The following CHMP7 variants were observed in gnomAD, a reference collection of about 807,000 sequenced individuals.
The protein encoded by CHMP7 is CHMP family, member 7.
Under a neutral mutation model 53.7 loss-of-function variants are expected in CHMP7, and 15 were observed. The ratio of observed to expected loss-of-function variants is 0.28; its 90% CI spans 0.19 to 0.43. The LOEUF is 0.43. Ranked by LOEUF, CHMP7 falls within the 20% of genes least tolerant of loss-of-function variation. The pLI is 1.00. For missense variants in CHMP7, 527 were observed against 569.4 expected, an observed-to-expected ratio of 0.93 and a Z score of 0.76; for synonymous variants, 261 against 228.0, an observed-to-expected ratio of 1.14 and a Z score of -1.30.
intron 3 of CHMP7, 68 bp downstream of exon 3, chr8:23,249,449 G>A: frequency 1.5e-6 from 2 of 1,292,388 alleles, no homozygotes; most frequent in Middle Eastern, 2.8e-4. Context: ...CGTCCCTTGT[G>A]TGCGTTCTTG....
chr8:23,260,591 C>G lies in CHMP7; in HGVS notation c.1354C>G (p.Pro452Ala), dbSNP rs758013902. The change falls in exon 11 of 11, where the codon CCA becomes GCA. Residue 452 changes from proline to alanine, a missense_variant. Coordinates refer to ENST00000397677, the MANE Select transcript of CHMP7 (RefSeq NM_152272.5). Reference sequence around the variant, plus strand: ...AAGGCAATTGGAACCGACTCTAAAGCCATTGTAGGACCCTCAAGTGAAGGA... The same window carrying G: ...AAGGCAATTGGAACCGACTCTAAAGGCATTGTAGGACCCTCAAGTGAAGGA... ...PKRQLEPTLK[P>A]L 1.9e-6 allele frequency: 3 copies of G among 1,613,404 alleles called. No homozygotes were observed. Among genetic ancestry groups the G allele is most frequent in the Admixed American group, 3.3e-5 (2 of 60,002 alleles).
At chr8:23,258,175 G>C (rs569940134) in intron 6 of CHMP7, 94 bp downstream of exon 6, 30 of 1,433,800 alleles carry the variant, frequency 2.1e-5, no homozygotes, top group African/African-American at 1.8e-4. Context: ...GGGGTTTTGA[G>C]GGGGGTAGAG....
intron 3 of CHMP7, among the ~76,000 whole-genome samples, chr8:23,251,865 T>C (rs955816816): frequency 2.0e-5 from 3 of 152,238 alleles, no homozygotes; most frequent in African/African-American, 7.2e-5. Context: ...TGTGCAGAGA[T>C]CTATGTACTT....
intron 3 of CHMP7, 178 bp from the exon 4 acceptor site, chr8:23,255,069 C>T: frequency 1.5e-6 from 1 of 648,740 alleles, no homozygotes; most frequent in African/African-American, 1.8e-5. Flanking sequence ...AAACTTTCCT[C>T]CAAGGCTTAA....
chr8:23,260,604 C>G lies in CHMP7; in HGVS notation c.*5C>G, dbSNP rs200086656. On this transcript the variant is annotated 3_prime_UTR_variant, in exon 11 of 11. Coordinates refer to ENST00000397677, the MANE Select transcript of CHMP7 (RefSeq NM_152272.5). ...CCGACTCTAAAGCCATTGTAGGACCCTCAAGTGAAGGACCCTCATGTAAAA... is the reference window on the plus strand; with the variant it reads ...CCGACTCTAAAGCCATTGTAGGACCGTCAAGTGAAGGACCCTCATGTAAAA... 2.5e-6 allele frequency: 4 copies of G among 1,611,988 alleles called. No individual in the cohort carries two copies. In the East Asian group the frequency reaches 8.9e-5, roughly 36 times the overall value.
At chr8:23,260,345 C>A in intron 10 of CHMP7, 22 bp downstream of exon 10, 2 of 1,612,836 alleles carry the variant, frequency 1.2e-6, no homozygotes, top group Non-Finnish European at 8.5e-7. Context: ...TTTTCCAAGG[C>A]CTTTGGAGGG....
At position 23,261,133 on chromosome 8, in the gene CHMP7, T is replaced by C. The variant is rs1802368706; in HGVS notation, c.*534T>C. The stretch of plus-strand genomic sequence containing the variant: ...TTAGCTGCCATTTTATGGAAAAACA[T>C]GTAGTATAAAAGGTTTTTCTCCAGG... On this transcript the variant is annotated 3_prime_UTR_variant, in exon 11 of 11. Coordinates refer to ENST00000397677, the MANE Select transcript of CHMP7 (RefSeq NM_152272.5). 6.5e-6 allele frequency: 1 copy of C among 153,430 alleles called. No individual in the cohort carries two copies. The highest frequency in any genetic ancestry group is 1.4e-5 in the Non-Finnish European group (1 of 70,346). 9.5% of individuals were successfully genotyped at this position (153,430 alleles called of 1,614,324 possible).
intron 3 of CHMP7, among the ~76,000 whole-genome samples, chr8:23,251,377 CTCT>C (rs559426146): frequency 4.7e-4 from 72 of 152,316 alleles, no homozygotes; most frequent in African/African-American, 1.7e-3. Flanking sequence ...TTTGGGTACT[CTCT>C]TCCCATTTGT....
rs964710441 is a variant in CHMP7, at chr8:23,259,091, C to T, written c.1085C>T (p.Ser362Phe). The change falls in exon 9 of 11, where the codon TCT becomes TTT. Residue 362 changes from serine to phenylalanine, a missense_variant. By Grantham distance (155) the Ser-to-Phe change is radical. Transcript: ENST00000397677. ...CTCTGTGACACCCAGGATGAAGTTT[C>T]TCAGACTCTGGCTGGTGGGGTAACA... Reference protein sequence around the residue: ...QELCDTQDEVSQTLAGGVTNG... With the variant: ...QELCDTQDEVFQTLAGGVTNG... 6.2e-7 allele frequency: 1 copy of T among 1,608,344 alleles called. No homozygotes were observed. Among genetic ancestry groups the T allele is most frequent in the Non-Finnish European group, 8.5e-7 (1 of 1,175,360 alleles).
rs1398224738 is a variant in CHMP7 at position 23,249,149 on chromosome 8, G to C, written c.300-61G>C. Reference sequence around the variant, plus strand: ...CTCTTTTAGGGTAAAGGGGGAGCTAGAGACTGGAATGGGACATTGCATTAA... The same window carrying C: ...CTCTTTTAGGGTAAAGGGGGAGCTACAGACTGGAATGGGACATTGCATTAA... On this transcript the variant is annotated intron_variant, in intron 2 of 10. Transcript: ENST00000397677. 4.3e-6 allele frequency: 6 copies of C among 1,397,146 alleles called. No homozygotes were observed. The Admixed American group carries it at 7.3e-5, about 17-fold the overall frequency. The allele number at this position is 1,397,146 out of a possible 1,614,324, so 86.5% of individuals were successfully genotyped here.
rs1801680306 is a variant in CHMP7, at chr8:23,246,352, T to TG, written c.-343dup. ...TCTGAAGCCACAGGTCAGAAGCCGC[T>TG]GTACAACGCTTTGCCGAACTCCAGA... is the stretch of plus-strand genomic sequence containing the variant. On this transcript the variant is annotated 5_prime_UTR_variant, in exon 2 of 11. It removes the in-frame stop codon of an upstream open reading frame in the 5' UTR. Transcript: ENST00000397677. The TG allele has an allele frequency of 6.8e-6, 2 of 295,322 alleles. No homozygotes were observed. Among genetic ancestry groups the TG allele is most frequent in the Admixed American group, 9.8e-5 (2 of 20,434 alleles). 18.3% of individuals were successfully genotyped at this position (295,322 alleles called of 1,614,324 possible).
Position 23,246,615 on chromosome 8 carries a change from A to C in CHMP7, c.-81A>C, listed in dbSNP as rs1406306943. 2 of 1,248,558 alleles carry C rather than the reference A, an allele frequency of 1.6e-6. No individual in the cohort carries two copies. The highest frequency in any genetic ancestry group is 1.5e-5 in the African/African-American group (1 of 67,088). The allele number at this position is 1,248,558 out of a possible 1,614,324, so 77.3% of individuals were successfully genotyped here. On this transcript the variant is annotated 5_prime_UTR_variant, in exon 2 of 11. Transcript: ENST00000397677. ...GTGAACGAGAAGGAGGTGGTCAAGGAACGGAAGCCGGGAGGGAACGAGGGC... is the reference window on the plus strand; with the variant it reads ...GTGAACGAGAAGGAGGTGGTCAAGGCACGGAAGCCGGGAGGGAACGAGGGC...
In CHMP7 at chr8:23,260,623, T is replaced by G. The variant is rs1296194182; in HGVS notation, c.*24T>G. ...AGGACCCTCAAGTGAAGGACCCTCA[T>G]GTAAAAGAGAGACCAGGCTTGCTGG... On this transcript the variant is annotated 3_prime_UTR_variant, in exon 11 of 11. Transcript: ENST00000397677. 10 of 1,589,262 alleles carry G rather than the reference T, an allele frequency of 6.3e-6. No individual in the cohort carries two copies. Among genetic ancestry groups the G allele is most frequent in the Non-Finnish European group, 8.6e-6 (10 of 1,157,352 alleles).
chr8:23,261,735 A>G lies in CHMP7; in HGVS notation c.*1136A>G, dbSNP rs1585321288. The G allele has an allele frequency of 1.3e-5, 2 of 152,730 alleles. No homozygotes were observed. Among genetic ancestry groups the G allele is most frequent in the East Asian group, 1.9e-4 (1 of 5,166 alleles). The allele number at this position is 152,730 out of a possible 1,614,324, so 9.5% of individuals were successfully genotyped here. Reference sequence around the variant, plus strand: ...GGGAAAGGGTCTGAATGCTCTGGCAATGGCGAGAAGAAGCGATCGCCACAC... The same window carrying G: ...GGGAAAGGGTCTGAATGCTCTGGCAGTGGCGAGAAGAAGCGATCGCCACAC... On this transcript the variant is annotated 3_prime_UTR_variant, in exon 11 of 11. Transcript: ENST00000397677.
At chr8:23,260,094 T>C in intron 9 of CHMP7, 50 bp from the exon 10 acceptor site, 1 of 1,501,996 alleles carries the variant, frequency 6.7e-7, no homozygotes, top group South Asian at 1.1e-5. Context: ...TACTCATTAA[T>C]GCATTTCTCC....
intron 1 of CHMP7, among the ~76,000 whole-genome samples, chr8:23,244,294 A>C (rs914608182): frequency 6.6e-6 from 1 of 152,198 alleles, no homozygotes; most frequent in Admixed American, 6.5e-5. Context: ...ATTTAAGTCC[A>C]TGATCCATTT....
chr8:23,260,023 A>T, intron 9 of CHMP7, 121 bp from the exon 10 acceptor site: 1 of 720,710 alleles, frequency 1.4e-6, no homozygotes, highest in Non-Finnish European at 2.3e-6. Flanking sequence ...TTTTTTTTTA[A>T]TCTGCAAGGA....
chr8:23,251,379 C>A (rs774581809), intron 3 of CHMP7, among the ~76,000 whole-genome samples: 2 of 152,108 alleles, frequency 1.3e-5, no homozygotes, highest in African/African-American at 4.8e-5. Context: ...TGGGTACTCT[C>A]TTCCCATTTG....
chr8:23,255,153 C>T, intron 3 of CHMP7, 94 bp from the exon 4 acceptor site: 1 of 1,324,420 alleles, frequency 7.6e-7, no homozygotes, highest in Non-Finnish European at 1.1e-6. Context: ...CGGGTGCTTG[C>T]CTTGTGTGAT....
Sources: gnomAD v4.1 joint callset for allele counts (sites outside exome capture counted in the v4.1 genomes callset) on GRCh38, gnomAD v4.1.1 for gene constraint, MANE v1.5 for transcripts, NCBI Gene and HGNC (gene_info 2026-07-23, HGNC 2026-07-21) for gene names.